The following ENOX1 variants were observed in gnomAD, a reference collection of about 807,000 sequenced individuals.
ENOX1 encodes ecto-NOX disulfide-thiol exchanger 1.
ENOX1 carries 42 observed loss-of-function variants against 82.5 expected under a neutral mutation model. The observed-to-expected ratio is 0.51, with a 90% CI of 0.40 to 0.66. The LOEUF is 0.66. ENOX1 is among the 30% of genes least tolerant of loss of function. The pLI, the probability that ENOX1 is intolerant of heterozygous loss-of-function variation, is 0.00. For missense variants in ENOX1, 608 were observed against 811.6 expected (o/e 0.75, Z 3.05); for synonymous variants, 271 against 282.2 (o/e 0.96, Z 0.40).
chr13:43,414,308 A>G (rs1291866136), intron 3 of ENOX1, among the ~76,000 whole-genome samples: 2 of 152,180 alleles, frequency 1.3e-5, no homozygotes, highest in African/African-American at 2.4e-5. Flanking sequence ...GATAGTGTGG[A>G]ATTTTTTTCC....
intron 13 of ENOX1, among the ~76,000 whole-genome samples, chr13:43,267,870 C>A (rs2044471088): frequency 6.6e-6 from 1 of 152,154 alleles, no homozygotes; most frequent in Non-Finnish European, 1.5e-5. Flanking sequence ...ATTAATATTG[C>A]AGATTTAAAA....
chr13:43,451,830 TAAATA>T, intron 3 of ENOX1, among the ~76,000 whole-genome samples: 1 of 152,266 alleles, frequency 6.6e-6, no homozygotes, highest in South Asian at 2.1e-4. Flanking sequence ...GGAAAAGCAG[TAAATA>T]AAACAGACAA....
intron 2 of ENOX1, among the ~76,000 whole-genome samples, chr13:43,488,757 G>C (rs867532688): frequency 6.6e-6 from 1 of 152,288 alleles, no homozygotes; most frequent in Non-Finnish European, 1.5e-5. Context: ...GTTGGTATAA[G>C]CATGAACAGT....
At chr13:43,552,346 T>TA (rs11398493) in intron 2 of ENOX1, among the ~76,000 whole-genome samples, 18,348 of 117,496 alleles carry the variant, frequency 0.16, 1,707 homozygotes, top group East Asian at 0.52. Context: ...GGCTCTTAAC[T>TA]AAAAAAAAAA....
chr13:43,619,587 C>T (rs1244277476), intron 2 of ENOX1, among the ~76,000 whole-genome samples: 1 of 152,020 alleles, frequency 6.6e-6, no homozygotes, highest in Non-Finnish European at 1.5e-5. Context: ...ATCCCTGCAT[C>T]CCTGGTATGA....
At position 43,361,465 on chromosome 13, in the gene ENOX1, C is replaced by T. The variant is rs1391226914; in HGVS notation, c.209-13G>A. On this transcript the variant is annotated splice_polypyrimidine_tract_variant and intron_variant, in intron 5 of 16. Transcript: ENST00000690772. ...ACACAGATTGAGTCTGTAAAGTATA[C>T]AAGATAACATTTTGACTGGAGATTA... The T allele has an allele frequency of 6.3e-7, 1 of 1,589,070 alleles. No homozygotes were observed. The highest frequency in any genetic ancestry group is 1.2e-5 in the South Asian group (1 of 85,366).
intron 9 of ENOX1, among the ~76,000 whole-genome samples, chr13:43,337,353 G>A (rs1223718562): frequency 6.6e-6 from 1 of 152,042 alleles, no homozygotes; most frequent in Admixed American, 6.5e-5. Context: ...CTTGCTAGAG[G>A]GAAAATCAAG....
intron 1 of ENOX1, among the ~76,000 whole-genome samples, chr13:43,745,958 C>G (rs1349894914): frequency 2.6e-5 from 4 of 152,156 alleles, no homozygotes; most frequent in African/African-American, 4.8e-5. Flanking sequence ...AACTGTGAGT[C>G]TTTCCTTTAT....
chr13:43,502,860 G>A (rs1329639496), intron 2 of ENOX1, among the ~76,000 whole-genome samples: 1 of 151,044 alleles, frequency 6.6e-6, no homozygotes, highest in Non-Finnish European at 1.5e-5. Context: ...GAGCAATCAG[G>A]CAATAAAAAG....
At chr13:43,482,685 A>C (rs1395597755) in intron 3 of ENOX1, among the ~76,000 whole-genome samples, 1 of 151,724 alleles carries the variant, frequency 6.6e-6, no homozygotes, top group Admixed American at 6.6e-5. Context: ...AGGAAATTGG[A>C]TCCCTGGGTA....
At chr13:43,439,381 TAA>T (rs1028632717) in intron 3 of ENOX1, among the ~76,000 whole-genome samples, 123 of 152,098 alleles carry the variant, frequency 8.1e-4, no homozygotes, top group South Asian at 1.2e-3. Flanking sequence ...TTTGTATTTT[TAA>T]TAGAGACAGG....
At chr13:43,621,555 T>G (rs2082732788) in intron 2 of ENOX1, among the ~76,000 whole-genome samples, 1 of 152,192 alleles carries the variant, frequency 6.6e-6, no homozygotes, top group African/African-American at 2.4e-5. Flanking sequence ...ATAATTGTTT[T>G]GTTTGAGAAG....
At position 43,527,519 on chromosome 13, in the gene ENOX1, G is replaced by T. The variant is rs542835942; in HGVS notation, c.-218-43367C>A. Among the ~76,000 whole-genome samples the T allele has an allele frequency of 5.5e-4, 84 of 152,160 alleles. 1 individual carries two copies. The highest frequency in any genetic ancestry group is 1.8e-3 in the African/African-American group (76 of 41,524). On this transcript the variant is annotated intron_variant, in intron 2 of 16. Transcript: ENST00000690772. Reference sequence around the variant, plus strand: ...ATTTTTTAAAAAATATATTGATTTTGGAGCCTACATTTCTAAATCTTTGTA... The same window carrying T: ...ATTTTTTAAAAAATATATTGATTTTTGAGCCTACATTTCTAAATCTTTGTA...
chr13:43,490,808 T>C (rs553464179), intron 2 of ENOX1, among the ~76,000 whole-genome samples: 1 of 152,318 alleles, frequency 6.6e-6, no homozygotes, highest in Non-Finnish European at 1.5e-5. Context: ...CTTTATAAAT[T>C]ACCCCATCTA....
intron 1 of ENOX1, among the ~76,000 whole-genome samples, chr13:43,756,287 T>G (rs1950632670): frequency 6.6e-6 from 1 of 151,724 alleles, no homozygotes; most frequent in African/African-American, 2.4e-5. Context: ...ATTAGCTACC[T>G]GTGGTGGCTC....
chr13:43,588,212 T>G (rs1354624487), intron 2 of ENOX1, among the ~76,000 whole-genome samples: 1 of 152,150 alleles, frequency 6.6e-6, no homozygotes, highest in Non-Finnish European at 1.5e-5. Context: ...TACAAATACA[T>G]CTAAAATTTT....
intron 1 of ENOX1, among the ~76,000 whole-genome samples, chr13:43,693,251 T>A (rs866998402): frequency 6.6e-6 from 1 of 152,246 alleles, no homozygotes; most frequent in African/African-American, 2.4e-5. Flanking sequence ...TATACTTTTA[T>A]AATTAAAATT....
chr13:43,236,635 C>A lies in ENOX1; in HGVS notation c.1714+1G>T. The A allele has an allele frequency of 6.4e-7, 1 of 1,553,554 alleles. No individual in the cohort carries two copies. The highest frequency in any genetic ancestry group is 8.7e-7 in the Non-Finnish European group (1 of 1,152,722). ...AGATGAAGAAAACAGAATTTCCTTACCTATTAGCAGAGCTTCTTTCTCTGA... is the reference window on the plus strand; with the variant it reads ...AGATGAAGAAAACAGAATTTCCTTAACTATTAGCAGAGCTTCTTTCTCTGA... On this transcript the variant is annotated splice_donor_variant, in intron 15 of 16. Transcript: ENST00000690772. LOFTEE classifies it high-confidence loss of function.
At position 43,404,567 on chromosome 13, in the gene ENOX1, G is replaced by T. The variant is rs754549279; in HGVS notation, c.208+7349C>A. 5.7e-4 allele frequency among the ~76,000 whole-genome samples: 87 copies of T among 152,124 alleles called. 1 individual carries two copies. Among genetic ancestry groups the T allele is most frequent in the Admixed American group, 4.6e-4 (7 of 15,274 alleles). ...AGCTTCTCCAATACCTCCAAACAAA[G>T]TTAGCCTCCCAATTCCTCTTTGTAA... On this transcript the variant is annotated intron_variant, in intron 5 of 16. Transcript: ENST00000690772.
Sources: allele counts gnomAD v4.1 joint callset (sites outside exome capture counted in the v4.1 genomes callset), GRCh38; gene constraint gnomAD v4.1.1; transcripts MANE v1.5; gene names NCBI Gene and HGNC (gene_info 2026-07-23, HGNC 2026-07-21).